VPS13B: variants seen among roughly 807,000 people sequenced by gnomAD.
The protein encoded by VPS13B is intermembrane lipid transfer protein VPS13B.
In VPS13B, 285 loss-of-function variants were observed where a neutral mutation model predicts 426.4. The observed-to-expected ratio is 0.67, with a 90% CI of 0.61 to 0.74. The LOEUF is 0.74. Among genes scored for constraint, VPS13B ranks in the 30% least tolerant of loss-of-function variants. The pLI is 0.00. For missense variants in VPS13B, 4,537 were observed against 4,782.6 expected, an observed-to-expected ratio of 0.95 and a Z score of 1.51; for synonymous variants, 1,676 against 1,676.4, an observed-to-expected ratio of 1.00 and a Z score of 0.01.
intron 3 of VPS13B, among the ~76,000 whole-genome samples, chr8:99,070,672 C>T (rs1232655867): frequency 3.9e-5 from 6 of 152,028 alleles, no homozygotes; most frequent in African/African-American, 1.2e-4. Context: ...CTTCTTTTCT[C>T]GAATTTTATT....
At chr8:99,082,585 T>C (rs1353708606) in intron 3 of VPS13B, among the ~76,000 whole-genome samples, 1 of 152,224 alleles carries the variant, frequency 6.6e-6, no homozygotes, top group East Asian at 1.9e-4. Context: ...CTAGGGTTTT[T>C]ATGGTTTTAG....
chr8:99,596,841 G>A (rs1827042301), intron 33 of VPS13B, among the ~76,000 whole-genome samples: 1 of 151,956 alleles, frequency 6.6e-6, no homozygotes, highest in Non-Finnish European at 1.5e-5. Context: ...TGTGTGCCCT[G>A]CTAAAAATTA....
At chr8:99,603,099 A>G (rs1365840996) in intron 33 of VPS13B, among the ~76,000 whole-genome samples, 1 of 152,228 alleles carries the variant, frequency 6.6e-6, no homozygotes. Context: ...AGAGATTGGA[A>G]TTTATTGGAA....
chr8:99,464,243 A>G (rs566821101), intron 23 of VPS13B, among the ~76,000 whole-genome samples: 4 of 152,314 alleles, frequency 2.6e-5, no homozygotes, highest in Admixed American at 2.6e-4. Flanking sequence ...TCTTTTGACA[A>G]ACATTCAGTG....
chr8:99,142,872 G>A, intron 12 of VPS13B, 102 bp from the exon 13 acceptor site: 1 of 1,221,056 alleles, frequency 8.2e-7, no homozygotes, highest in Non-Finnish European at 1.1e-6. Flanking sequence ...TTTGTTTTAA[G>A]GCATTAAGCT....
chr8:99,312,014 C>G (rs1193656049), intron 19 of VPS13B, among the ~76,000 whole-genome samples: 1 of 151,952 alleles, frequency 6.6e-6, no homozygotes, highest in African/African-American at 2.4e-5. Flanking sequence ...TTTTTATTGT[C>G]TGTTTGCTTG....
chr8:99,308,423 T>C (rs1412434902), intron 19 of VPS13B, among the ~76,000 whole-genome samples: 2 of 152,072 alleles, frequency 1.3e-5, no homozygotes, highest in African/African-American at 2.4e-5. Context: ...AGTGAGAACA[T>C]GCGGTGTTTG....
intron 2 of VPS13B, among the ~76,000 whole-genome samples, chr8:99,025,104 A>C (rs1291254509): frequency 1.3e-5 from 2 of 152,096 alleles, no homozygotes; most frequent in Non-Finnish European, 2.9e-5. Flanking sequence ...TTATCGTTGT[A>C]TGGAAACACT....
In VPS13B at chr8:99,154,367, G is replaced by GT. The variant is rs1227768286; in HGVS notation, c.2014-2173dup. Among the ~76,000 whole-genome samples, 375 of 150,384 alleles carry GT rather than the reference G, an allele frequency of 2.5e-3. 2 individuals carry two copies. The highest frequency in any genetic ancestry group is 8.2e-3 in the African/African-American group (335 of 41,000). On this transcript the variant is annotated intron_variant, in intron 14 of 61. Coordinates refer to ENST00000357162, the MANE Select transcript of VPS13B (RefSeq NM_152564.5). ...GTTCCACAGTTCTGAAATATTCCGG[G>GT]TTTTTTTTTGGTTTGCTTTTCAGTT...
intron 33 of VPS13B, among the ~76,000 whole-genome samples, chr8:99,610,405 C>A (rs756905220): frequency 6.6e-6 from 1 of 152,180 alleles, no homozygotes; most frequent in African/African-American, 2.4e-5. Flanking sequence ...GAATACTACG[C>A]AGTCATAAAA....
intron 17 of VPS13B, among the ~76,000 whole-genome samples, chr8:99,271,195 A>AACT (rs10538522): frequency 0.021 from 3,106 of 145,254 alleles, 57 homozygotes; most frequent in East Asian, 0.073. Flanking sequence ...TGCTACCACT[A>AACT]ACTACTACTA....
chr8:99,276,170 A>G (rs1050334640), intron 19 of VPS13B, among the ~76,000 whole-genome samples: 11 of 152,202 alleles, frequency 7.2e-5, no homozygotes, highest in Non-Finnish European at 1.6e-4. Context: ...AAAGCAGTGC[A>G]CAAATGAATA....
chr8:99,661,646 G>T (rs1830229292), intron 35 of VPS13B, among the ~76,000 whole-genome samples, 155 bp downstream of exon 35: 1 of 152,022 alleles, frequency 6.6e-6, no homozygotes, highest in Non-Finnish European at 1.5e-5. Context: ...CCATTTTAGA[G>T]ATCAAAAGGC....
intron 44 of VPS13B, among the ~76,000 whole-genome samples, chr8:99,815,597 C>T (rs1401601025): frequency 6.6e-6 from 1 of 152,080 alleles, no homozygotes; most frequent in Admixed American, 6.5e-5. Context: ...TACCATGACC[C>T]AATCAAGTTG....
intron 3 of VPS13B, among the ~76,000 whole-genome samples, chr8:99,038,877 G>A (rs1842856531): frequency 6.6e-6 from 1 of 151,542 alleles, no homozygotes; most frequent in South Asian, 2.1e-4. Context: ...AGTAGAGAAG[G>A]GGTTTCACTA....
chr8:99,684,119 CATTG>C (rs1172062876), intron 35 of VPS13B, among the ~76,000 whole-genome samples: 1 of 152,164 alleles, frequency 6.6e-6, no homozygotes, highest in Non-Finnish European at 1.5e-5. Flanking sequence ...AATATTTTTA[CATTG>C]ATTGATCAAG....
chr8:99,838,762 T>C (rs891122497), intron 54 of VPS13B, among the ~76,000 whole-genome samples: 1 of 152,174 alleles, frequency 6.6e-6, no homozygotes, highest in Non-Finnish European at 1.5e-5. Context: ...AGCAGACAAG[T>C]TTGAGAGGTC....
chr8:99,188,053 ATTT>A (rs60360700), intron 16 of VPS13B, among the ~76,000 whole-genome samples: 1 of 112,766 alleles, frequency 8.9e-6, no homozygotes, highest in Admixed American at 9.6e-5. Context: ...TTGTTTGGAC[ATTT>A]TTTTTTTTTT....
chr8:99,591,027 G>T (rs1376735576), intron 33 of VPS13B, among the ~76,000 whole-genome samples: 1 of 151,938 alleles, frequency 6.6e-6, no homozygotes, highest in East Asian at 1.9e-4. Flanking sequence ...CTCATGTGTT[G>T]GGTGTATATA....
Sources: allele counts gnomAD v4.1 joint callset (sites outside exome capture counted in the v4.1 genomes callset), GRCh38; gene constraint gnomAD v4.1.1; transcripts MANE v1.5; gene names NCBI Gene and HGNC (gene_info 2026-07-23, HGNC 2026-07-21).